The following MYO5B variants were observed in gnomAD, a reference collection of about 807,000 sequenced individuals.
The protein encoded by MYO5B is myosin VB.
A neutral mutation model predicts 229.3 loss-of-function variants in MYO5B; 143 were observed. The observed-to-expected ratio is 0.62, with a 90% CI of 0.54 to 0.72. The LOEUF is 0.72. Ranked by LOEUF, MYO5B falls within the 30% of genes least tolerant of loss-of-function variation. The pLI is 0.00. For missense variants in MYO5B, 2,321 were observed against 2,331.0 expected, an observed-to-expected ratio of 1.00 and a Z score of 0.09; for synonymous variants, 918 against 885.2, an observed-to-expected ratio of 1.04 and a Z score of -0.66.
chr18:50,081,445 T>C (rs2031218577), intron 1 of MYO5B, among the ~76,000 whole-genome samples: 1 of 152,166 alleles, frequency 6.6e-6, no homozygotes, highest in Non-Finnish European at 1.5e-5. Context: ...ACACAGGTGA[T>C]TCATCCACCA....
chr18:49,983,001 T>C lies in MYO5B; in HGVS notation c.946+1717A>G, dbSNP rs555329105. ...CAGCTGCCAGAGATCTTCTCCTTTC[T>C]CTGATAAATTCAGAGAAGAATGTAT... On this transcript the variant is annotated intron_variant, in intron 8 of 39. Coordinates refer to ENST00000285039, the MANE Select transcript of MYO5B (RefSeq NM_001080467.3). 3.3e-5 allele frequency among the ~76,000 whole-genome samples: 5 copies of C among 152,292 alleles called. No homozygotes were observed. The South Asian group carries it at 1.0e-3, about 32-fold the overall frequency.
intron 16 of MYO5B, among the ~76,000 whole-genome samples, chr18:49,931,982 C>T (rs1295174977): frequency 6.6e-6 from 1 of 152,210 alleles, no homozygotes; most frequent in Non-Finnish European, 1.5e-5. Context: ...TTGCACACAC[C>T]AGGGATGGCA....
At chr18:50,054,159 C>CT (rs972916916) in intron 2 of MYO5B, among the ~76,000 whole-genome samples, 1 of 152,142 alleles carries the variant, frequency 6.6e-6, no homozygotes, top group African/African-American at 2.4e-5. Flanking sequence ...CACACAGTTC[C>CT]TGCCTGGGAC....
intron 22 of MYO5B, among the ~76,000 whole-genome samples, chr18:49,883,066 T>C (rs185621993): frequency 6.6e-6 from 1 of 152,336 alleles, no homozygotes; most frequent in Non-Finnish European, 1.5e-5. Flanking sequence ...AAAAATTCCA[T>C]AGCTCATACC....
In MYO5B at chr18:49,863,218, C is replaced by A; in HGVS notation, c.3944+9G>T. The A allele has an allele frequency of 1.2e-6, 2 of 1,609,202 alleles. No individual in the cohort carries two copies. Among genetic ancestry groups the A allele is most frequent in the Non-Finnish European group, 1.7e-6 (2 of 1,176,952 alleles). On this transcript the variant is annotated intron_variant, in intron 29 of 39. Transcript: ENST00000285039. ...CCTCGTCCAGCACATTTGACCGCGG[C>A]GGCCTTACCTGTTTGTCTGGCAGAC...
intron 3 of MYO5B, among the ~76,000 whole-genome samples, chr18:50,039,341 G>GT (rs1010473868): frequency 2.8e-4 from 42 of 151,872 alleles, no homozygotes; most frequent in East Asian, 3.9e-4. Flanking sequence ...GTTTTGTTTT[G>GT]TTTTTTTTGA....
intron 1 of MYO5B, among the ~76,000 whole-genome samples, chr18:50,174,640 T>C (rs1318500847): frequency 1.3e-5 from 2 of 152,182 alleles, no homozygotes; most frequent in Non-Finnish European, 2.9e-5. Flanking sequence ...TGATGTTTTC[T>C]GAAGGGGAAA....
At chr18:50,018,396 A>G (rs1490265693) in intron 4 of MYO5B, among the ~76,000 whole-genome samples, 2 of 151,582 alleles carry the variant, frequency 1.3e-5, no homozygotes, top group East Asian at 3.9e-4. Flanking sequence ...ACATGTTAAG[A>G]TCTTAACTTC....
At chr18:50,096,815 C>A (rs944248472) in intron 1 of MYO5B, among the ~76,000 whole-genome samples, 8 of 152,206 alleles carry the variant, frequency 5.3e-5, no homozygotes, top group African/African-American at 1.9e-4. Context: ...CCAGTGTCTT[C>A]CTGCTGGAGC....
intron 5 of MYO5B, among the ~76,000 whole-genome samples, chr18:49,996,680 G>C (rs997198134): frequency 6.6e-6 from 1 of 152,196 alleles, no homozygotes; most frequent in African/African-American, 2.4e-5. Context: ...TATGTATCAA[G>C]TAGTATGAAA....
intron 17 of MYO5B, among the ~76,000 whole-genome samples, chr18:49,914,738 C>A (rs1459940704): frequency 6.7e-6 from 1 of 149,266 alleles, no homozygotes; most frequent in African/African-American, 2.5e-5. Flanking sequence ...CGAGATCATG[C>A]CACTGCACTC....
At chr18:49,894,215 T>C (rs1000297769) in intron 22 of MYO5B, among the ~76,000 whole-genome samples, 17 of 152,026 alleles carry the variant, frequency 1.1e-4, no homozygotes, top group East Asian at 5.8e-4. Flanking sequence ...CAACTCCCCA[T>C]TGATGGACAA....
chr18:49,971,364 A>G (rs561973310), intron 10 of MYO5B, among the ~76,000 whole-genome samples: 2 of 152,344 alleles, frequency 1.3e-5, no homozygotes, highest in Admixed American at 1.3e-4. Context: ...AAGGTATGTG[A>G]AGTCCAAAGG....
intron 14 of MYO5B, among the ~76,000 whole-genome samples, chr18:49,942,399 A>G: frequency 7.1e-6 from 1 of 141,508 alleles, no homozygotes; most frequent in African/African-American, 2.6e-5. Flanking sequence ...AAAAAAAAAA[A>G]AAAAAACTAC....
intron 22 of MYO5B, among the ~76,000 whole-genome samples, chr18:49,890,152 C>A (rs2024692571): frequency 6.6e-6 from 1 of 152,178 alleles, no homozygotes; most frequent in Admixed American, 6.5e-5. Flanking sequence ...CTCCAGGTAC[C>A]AGCCAACCCC....
chr18:49,929,955 G>A (rs551555807), intron 16 of MYO5B, among the ~76,000 whole-genome samples: 1 of 152,118 alleles, frequency 6.6e-6, no homozygotes, highest in Non-Finnish European at 1.5e-5. Flanking sequence ...TATCCACAAG[G>A]GCATGCATCT....
In MYO5B at chr18:49,942,799, T is replaced by C. The variant is rs186415836; in HGVS notation, c.1753-5402A>G. Among the ~76,000 whole-genome samples the C allele has an allele frequency of 8.9e-3, 1,349 of 152,212 alleles. 7 individuals are homozygous for C. Among genetic ancestry groups the C allele is most frequent in the Non-Finnish European group, 0.015 (992 of 68,010 alleles). On this transcript the variant is annotated intron_variant, in intron 14 of 39. Transcript: ENST00000285039. ...AAACTAGTTCAACCATTGTGGAAGT[T>C]GGTGTGGCGATTCCTCAGGGATCTA...
At chr18:49,957,902 CCT>C (rs967543615) in intron 12 of MYO5B, among the ~76,000 whole-genome samples, 3 of 152,032 alleles carry the variant, frequency 2.0e-5, no homozygotes, top group African/African-American at 7.3e-5. Flanking sequence ...TGGCCCCTCC[CCT>C]CTTTGCCATC....
chr18:49,981,901 G>C (rs947502056), intron 8 of MYO5B, among the ~76,000 whole-genome samples: 1 of 152,224 alleles, frequency 6.6e-6, no homozygotes, highest in Non-Finnish European at 1.5e-5. Flanking sequence ...TTCAGGACAA[G>C]ACAGGAAGCT....
Sources: gnomAD v4.1 joint callset for allele counts (sites outside exome capture counted in the v4.1 genomes callset) on GRCh38, gnomAD v4.1.1 for gene constraint, MANE v1.5 for transcripts, NCBI Gene and HGNC (gene_info 2026-07-23, HGNC 2026-07-21) for gene names.